The following ARHGAP28 variants were observed in gnomAD, a reference collection of about 807,000 sequenced individuals.
ARHGAP28 encodes Rho GTPase activating protein 28, also known as rho GTPase-activating protein 28.
ARHGAP28 carries 56 observed loss-of-function variants against 90.7 expected under a neutral mutation model. That is an observed-to-expected ratio of 0.62 (90% confidence interval 0.50 to 0.77). The LOEUF (loss-of-function observed/expected upper bound fraction) is 0.77. Ranked by LOEUF, ARHGAP28 falls within the 30% of genes least tolerant of loss-of-function variation. The pLI, the probability that ARHGAP28 is intolerant of heterozygous loss-of-function variation, is 0.00. For missense variants in ARHGAP28, 869 were observed against 900.9 expected, an observed-to-expected ratio of 0.96 and a Z score of 0.45; for synonymous variants, 308 against 323.3, an observed-to-expected ratio of 0.95 and a Z score of 0.51.
chr18:6,734,771 C>T (rs2055911871), intron 1 of ARHGAP28, among the ~76,000 whole-genome samples: 1 of 152,078 alleles, frequency 6.6e-6, no homozygotes, highest in South Asian at 2.1e-4. Context: ...ACACCATATT[C>T]TGGGGGATAC....
intron 3 of ARHGAP28, among the ~76,000 whole-genome samples, chr18:6,848,762 C>T (rs1297445966): frequency 6.6e-6 from 1 of 152,164 alleles, no homozygotes; most frequent in Non-Finnish European, 1.5e-5. Flanking sequence ...CTGTCTTGAG[C>T]TCCATGTGAA....
intron 5 of ARHGAP28, among the ~76,000 whole-genome samples, chr18:6,864,436 T>C (rs1600260576): frequency 6.6e-6 from 1 of 152,238 alleles, no homozygotes; most frequent in Non-Finnish European, 1.5e-5. Flanking sequence ...ATTTTGGTAA[T>C]GTGTATTTGC....
chr18:6,895,609 T>A (rs1171160267), intron 15 of ARHGAP28, among the ~76,000 whole-genome samples: 1 of 152,200 alleles, frequency 6.6e-6, no homozygotes, highest in Non-Finnish European at 1.5e-5. Context: ...TCAGCCTCCA[T>A]CTTCACATGG....
At chr18:6,839,275 T>C (rs2056778691) in intron 3 of ARHGAP28, among the ~76,000 whole-genome samples, 1 of 151,636 alleles carries the variant, frequency 6.6e-6, no homozygotes, top group Admixed American at 6.6e-5. Context: ...TTAGTTAGAT[T>C]CACATTAACC....
rs1454442069 is a variant in ARHGAP28, at chr18:6,729,722, C to G, written c.-100C>G. 4.9e-6 allele frequency: 6 copies of G among 1,230,262 alleles called. No homozygotes were observed. The African/African-American group carries it at 9.4e-5, about 19-fold the overall frequency. The allele number at this position is 1,230,262 out of a possible 1,614,324, so 76.2% of individuals were successfully genotyped here. ...CGGGAGAGAGCGGCTGGTCGCACCT[C>G]GGGCCGCGCCGCCCAGCTGCTGACA... On this transcript the variant is annotated 5_prime_UTR_variant, in exon 1 of 18. Coordinates refer to ENST00000383472, the MANE Select transcript of ARHGAP28 (RefSeq NM_001366230.1).
chr18:6,733,542 ACTT>A, intron 1 of ARHGAP28, among the ~76,000 whole-genome samples: 1 of 152,268 alleles, frequency 6.6e-6, no homozygotes, highest in East Asian at 1.9e-4. Context: ...TTCTCATACT[ACTT>A]TTATCTTTCA....
intron 1 of ARHGAP28, among the ~76,000 whole-genome samples, chr18:6,755,542 T>C (rs1466624023): frequency 1.3e-5 from 2 of 152,226 alleles, no homozygotes; most frequent in South Asian, 2.1e-4. Context: ...ATCAGAATTA[T>C]TAAAACCATA....
Position 6,736,747 on chromosome 18 carries a change from C to CAAAAA in ARHGAP28, c.122+6811_122+6815dup, listed in dbSNP as rs34584836. Among the ~76,000 whole-genome samples, 3 of 80,284 alleles carry CAAAAA rather than the reference C, an allele frequency of 3.7e-5. 1 individual carries two copies. The highest frequency in any genetic ancestry group is 1.4e-4 in the Admixed American group (1 of 7,144). The allele number at this position is 80,284 out of a possible 152,430, so 52.7% of individuals were successfully genotyped here. On this transcript the variant is annotated intron_variant, in intron 1 of 17. Coordinates refer to ENST00000383472, the MANE Select transcript of ARHGAP28 (RefSeq NM_001366230.1). ...GGGCAACAAGAGTGAAACTCCATTT[C>CAAAAA]AAAAAAAAAAACAAAAAACAGAAAG... is the stretch of plus-strand genomic sequence containing the variant.
chr18:6,912,315 C>T lies in ARHGAP28; in HGVS notation c.*161C>T, dbSNP rs146017208. ...TTGTAAGCATGAACTATGGAAGAGGCGCCGGTTCACCAATTCAACTGAAGC... is the reference window on the plus strand; with the variant it reads ...TTGTAAGCATGAACTATGGAAGAGGTGCCGGTTCACCAATTCAACTGAAGC... On this transcript the variant is annotated 3_prime_UTR_variant, in exon 18 of 18. Transcript: ENST00000383472. The T allele has an allele frequency of 3.0e-4, 124 of 419,258 alleles. No individual in the cohort carries two copies. The highest frequency in any genetic ancestry group is 4.5e-4 in the Non-Finnish European group (106 of 235,336). 26.0% of individuals were successfully genotyped at this position (419,258 alleles called of 1,614,324 possible).
chr18:6,780,588 A>G (rs75958255), intron 1 of ARHGAP28, among the ~76,000 whole-genome samples: 13,058 of 151,860 alleles, frequency 0.086, 799 homozygotes, highest in East Asian at 0.35. Flanking sequence ...GGAGGCTGAG[A>G]AAAAAAATCA....
At position 6,729,920 on chromosome 18, in the gene ARHGAP28, C is replaced by T. The variant is rs951354123; in HGVS notation, c.99C>T (p.Ala33=). The T allele has an allele frequency of 5.0e-6, 7 of 1,401,708 alleles. No individual in the cohort carries two copies. The Admixed American group carries it at 1.2e-4, about 23-fold the overall frequency. 86.8% of individuals were successfully genotyped at this position (1,401,708 alleles called of 1,614,324 possible). A position where few individuals can be genotyped will look rare whatever the true frequency, so the allele number is the denominator to read the frequency against. Residue 33 remains alanine (A), a synonymous_variant, in exon 1 of 18, where the codon GCC becomes GCT. Transcript: ENST00000383472. ...CCGAGTCGCGCTGCGCGCCCCGCGC[C>T]GCAGCCAGCCACCCGCTCAGCAGGT... ...PNAESRCAPR[A]AASHPLSRKS...
chr18:6,793,631 G>A (rs2056421221), intron 1 of ARHGAP28, among the ~76,000 whole-genome samples: 2 of 152,066 alleles, frequency 1.3e-5, no homozygotes, highest in Admixed American at 1.3e-4. Flanking sequence ...AAGTCATAAT[G>A]CGAATTATAA....
At chr18:6,904,495 A>G (rs2057354722) in intron 16 of ARHGAP28, among the ~76,000 whole-genome samples, 1 of 152,212 alleles carries the variant, frequency 6.6e-6, no homozygotes, top group Non-Finnish European at 1.5e-5. Context: ...TTATGATAGA[A>G]ATGAAAGATC....
chr18:6,811,655 G>T (rs536318496), intron 1 of ARHGAP28, among the ~76,000 whole-genome samples: 1 of 151,930 alleles, frequency 6.6e-6, no homozygotes, highest in Non-Finnish European at 1.5e-5. Flanking sequence ...AACATTACAC[G>T]TCTATTTTTT....
chr18:6,804,910 A>T (rs527609612), intron 1 of ARHGAP28, among the ~76,000 whole-genome samples: 2 of 152,254 alleles, frequency 1.3e-5, no homozygotes, highest in Non-Finnish European at 2.9e-5. Context: ...AATGTCAAAT[A>T]AGTTGTCTTT....
At chr18:6,831,775 G>A (rs947017880) in intron 2 of ARHGAP28, among the ~76,000 whole-genome samples, 1 of 152,012 alleles carries the variant, frequency 6.6e-6, no homozygotes, top group Admixed American at 6.6e-5. Flanking sequence ...AAATAGAAGT[G>A]GTGACAGCAC....
chr18:6,786,190 G>C (rs2056363376), intron 1 of ARHGAP28, among the ~76,000 whole-genome samples: 1 of 152,136 alleles, frequency 6.6e-6, no homozygotes, highest in Non-Finnish European at 1.5e-5. Context: ...ATTTGTACAA[G>C]CTAAACTGCA....
At chr18:6,836,822 T>G (rs2056757076) in intron 2 of ARHGAP28, among the ~76,000 whole-genome samples, 1 of 152,202 alleles carries the variant, frequency 6.6e-6, no homozygotes, top group South Asian at 2.1e-4. Context: ...CATTTGAACC[T>G]CCATGTGAGT....
intron 1 of ARHGAP28, among the ~76,000 whole-genome samples, chr18:6,775,235 G>A (rs886170092): frequency 2.0e-5 from 3 of 152,140 alleles, no homozygotes; most frequent in Admixed American, 6.5e-5. Context: ...TGGTCTTGCT[G>A]TTTATTTGAA....
Sources: allele counts gnomAD v4.1 joint callset (sites outside exome capture counted in the v4.1 genomes callset), GRCh38; gene constraint gnomAD v4.1.1; transcripts MANE v1.5; gene names NCBI Gene and HGNC (gene_info 2026-07-23, HGNC 2026-07-21).